The following DENND2A variants were observed in gnomAD, a reference collection of about 807,000 sequenced individuals.
The protein encoded by DENND2A is DENN domain-containing protein 2A.
Under a neutral mutation model 105.3 loss-of-function variants are expected in DENND2A, and 53 were observed. The observed-to-expected ratio is 0.50, with a 90% confidence interval of 0.40 to 0.63. DENND2A has a LOEUF of 0.63. DENND2A is among the 30% of genes least tolerant of loss of function. The pLI, the probability that DENND2A is intolerant of heterozygous loss-of-function variation, is 0.00. For synonymous variants in DENND2A, 522 were observed against 508.4 expected, an observed-to-expected ratio of 1.03 and a Z score of -0.36; for missense variants, 1,138 against 1,279.6, an observed-to-expected ratio of 0.89 and a Z score of 1.69.
intron 6 of DENND2A, among the ~76,000 whole-genome samples, 197 bp downstream of exon 6, chr7:140,573,611 G>A (rs1395315996): frequency 2.6e-5 from 4 of 152,152 alleles, no homozygotes; most frequent in African/African-American, 9.7e-5. Context: ...CTAAGAGGAA[G>A]ACCACAGGAC....
chr7:140,546,145 C>T (rs561978025), intron 13 of DENND2A, among the ~76,000 whole-genome samples: 71 of 152,188 alleles, frequency 4.7e-4, no homozygotes, highest in African/African-American at 1.5e-3. Context: ...CCAGGCTGGG[C>T]GCGGTGGCTC....
chr7:140,616,821 G>A, intron 1 of DENND2A, among the ~76,000 whole-genome samples: 1 of 152,152 alleles, frequency 6.6e-6, no homozygotes, highest in Non-Finnish European at 1.5e-5. Flanking sequence ...TTGTCAGTCA[G>A]CATCAGAAAT....
Position 140,519,653 on chromosome 7 carries a change from T to G in DENND2A, c.2977A>C (p.Asn993His). ...TTACCTAGTCCCTTCAGGAACTTAT[T>G]GACACCGCTGTGCTCTCCACTGGGG... is the stretch of plus-strand genomic sequence containing the variant. ...TLPSGEHSGV[N>H]KFLKGLGNKM... The change falls in exon 19 of 20, where the codon AAT becomes CAT. Residue 993 changes from asparagine (N) to histidine (H), a missense_variant. By Grantham distance (68) the Asn-to-His change is moderately conservative (BLOSUM62 1). Around this residue, in one of 2 missense-constraint regions of DENND2A, gnomAD observed 627 missense variants for 779.8 expected, o/e 0.80. Transcript: ENST00000496613. The G allele has an allele frequency of 6.2e-7, 1 of 1,614,072 alleles. No individual in the cohort carries two copies. The highest frequency in any genetic ancestry group is 8.5e-7 in the Non-Finnish European group (1 of 1,179,998).
At position 140,567,185 on chromosome 7, in the gene DENND2A, C is replaced by T; in HGVS notation, c.1680G>A (p.Gln560=). 6.2e-7 allele frequency: 1 copy of T among 1,613,930 alleles called. No individual in the cohort carries two copies. Among genetic ancestry groups the T allele is most frequent in the South Asian group, 1.1e-5 (1 of 91,004 alleles). ...CAAAGTACTCGAAGAGCTGCCTCTCCTGGTACTCGATGAGTTCCCGGGCAA... is the reference window on the plus strand; with the variant it reads ...CAAAGTACTCGAAGAGCTGCCTCTCTTGGTACTCGATGAGTTCCCGGGCAA... ...PSLARELIEY[Q]ERQLFEYFVV... is the part of the protein sequence containing the mutation. The change falls in exon 9 of 20, where the codon CAG becomes CAA. Residue 560 remains glutamine, a synonymous_variant. Transcript: ENST00000496613.
chr7:140,586,366 AAC>A (rs10524571), intron 4 of DENND2A, among the ~76,000 whole-genome samples: 17,154 of 139,364 alleles, frequency 0.12, 990 homozygotes, highest in East Asian at 0.2. Flanking sequence ...TAAAAAAGAA[AAC>A]ACACACACAC....
intron 3 of DENND2A, among the ~76,000 whole-genome samples, chr7:140,589,231 T>C (rs1798911844): frequency 6.6e-6 from 1 of 152,174 alleles, no homozygotes; most frequent in Admixed American, 6.6e-5. Flanking sequence ...GGAGGGAAGC[T>C]GCATTCACAG....
At chr7:140,539,356 C>T (rs1375375044) in intron 14 of DENND2A, among the ~76,000 whole-genome samples, 1 of 152,140 alleles carries the variant, frequency 6.6e-6, no homozygotes, top group Non-Finnish European at 1.5e-5. Flanking sequence ...TCACTGGGAC[C>T]CTGCTGGAAG....
rs73736640 is a variant in DENND2A, at chr7:140,607,109, G to A, written c.-247-1303C>T. ...TCAAGATACTGGGTATTTACGTTAC[G>A]TTTCCAGGGAAGCCCTCTCCCAACT... On this transcript the variant is annotated intron_variant, in intron 1 of 19. Coordinates refer to ENST00000496613, the MANE Select transcript of DENND2A (RefSeq NM_015689.5). 4.2e-3 allele frequency among the ~76,000 whole-genome samples: 640 copies of A among 152,242 alleles called. 2 individuals are homozygous for A. The highest frequency in any genetic ancestry group is 0.014 in the African/African-American group (580 of 41,542).
chr7:140,524,132 C>G (rs1795960221), intron 16 of DENND2A, among the ~76,000 whole-genome samples: 1 of 152,086 alleles, frequency 6.6e-6, no homozygotes, highest in Non-Finnish European at 1.5e-5. Flanking sequence ...GGCCTCAGAG[C>G]AGGAGGGTCT....
chr7:140,602,080 T>C lies in DENND2A; in HGVS notation c.318A>G (p.Thr106=). 1.2e-6 allele frequency: 2 copies of C among 1,614,202 alleles called. No individual in the cohort carries two copies. Among genetic ancestry groups the C allele is most frequent in the Non-Finnish European group, 1.7e-6 (2 of 1,180,030 alleles). ...CTGCTCCTTTATTCCTCTCCTTCTCTGTGCTCTCTGTTCCTGGCCTCATTC... is the reference window on the plus strand; with the variant it reads ...CTGCTCCTTTATTCCTCTCCTTCTCCGTGCTCTCTGTTCCTGGCCTCATTC... ...KNGMRPGTES[T]EKERNKGAVN... is the part of the protein sequence containing the mutation. Residue 106 remains threonine (T), a synonymous_variant, in exon 3 of 20, where the codon ACA becomes ACG. Coordinates refer to ENST00000496613, the MANE Select transcript of DENND2A (RefSeq NM_015689.5).
chr7:140,561,660 C>A, intron 9 of DENND2A, among the ~76,000 whole-genome samples: 1 of 148,384 alleles, frequency 6.7e-6, no homozygotes, highest in African/African-American at 2.5e-5. Flanking sequence ...TGCACCACCA[C>A]ACCTAGCTAT....
At chr7:140,625,547 T>TTTTACA (rs1307159142) in intron 1 of DENND2A, among the ~76,000 whole-genome samples, 2 of 152,072 alleles carry the variant, frequency 1.3e-5, no homozygotes, top group Non-Finnish European at 2.9e-5. Flanking sequence ...CTGGACCTGG[T>TTTTACA]GGCGTGTGCC....
chr7:140,584,190 C>T (rs543066895), intron 5 of DENND2A, among the ~76,000 whole-genome samples: 7 of 151,916 alleles, frequency 4.6e-5, no homozygotes, highest in African/African-American at 1.2e-4. Flanking sequence ...TGCATTGAGC[C>T]GAGACTGTGC....
chr7:140,617,991 A>C (rs1800145359), intron 1 of DENND2A, among the ~76,000 whole-genome samples: 1 of 152,216 alleles, frequency 6.6e-6, no homozygotes, highest in African/African-American at 2.4e-5. Flanking sequence ...ACTTGACAAT[A>C]TTTGCAAATC....
chr7:140,569,814 C>G (rs1798016621), intron 6 of DENND2A, 76 bp from the exon 7 acceptor site: 1 of 1,028,366 alleles, frequency 9.7e-7, no homozygotes, highest in Non-Finnish European at 1.5e-6. Flanking sequence ...CTCACTGCCC[C>G]TCTCCTAGGA....
intron 1 of DENND2A, among the ~76,000 whole-genome samples, chr7:140,635,483 G>A (rs1800890456): frequency 6.6e-6 from 1 of 152,154 alleles, no homozygotes; most frequent in African/African-American, 2.4e-5. Context: ...GGGATCCCGG[G>A]AGGAGGGGTC....
intron 3 of DENND2A, among the ~76,000 whole-genome samples, chr7:140,590,851 TGA>T (rs1046470303): frequency 6.8e-6 from 1 of 147,636 alleles, no homozygotes; most frequent in African/African-American, 2.6e-5. Flanking sequence ...CCAGCCTGGG[TGA>T]GAGAGTGAGA....
chr7:140,539,437 C>T (rs1212267141), intron 14 of DENND2A, among the ~76,000 whole-genome samples: 1 of 152,192 alleles, frequency 6.6e-6, no homozygotes, highest in Non-Finnish European at 1.5e-5. Flanking sequence ...ACCTGTTAGC[C>T]TGACTGCTGA....
intron 14 of DENND2A, among the ~76,000 whole-genome samples, chr7:140,536,318 GC>G (rs2130496571): frequency 6.6e-6 from 1 of 151,690 alleles, no homozygotes; most frequent in Middle Eastern, 3.4e-3. Flanking sequence ...TCATGCCACT[GC>G]ACTCCAGCCT....
Sources: gnomAD v4.1 joint callset for allele counts (sites outside exome capture counted in the v4.1 genomes callset) on GRCh38, gnomAD v4.1.1 for gene constraint, gnomAD v4.1.1 regional missense constraint, MANE v1.5 for transcripts, NCBI Gene and HGNC (gene_info 2026-07-23, HGNC 2026-07-21) for gene names.